Variants in NLGN1 observed in about 807,000 individuals in gnomAD.
NLGN1 encodes the protein neuroligin 1, also known as neuroligin-1.
NLGN1 carries 12 observed loss-of-function variants against 65.5 expected under a neutral mutation model. That is an observed-to-expected ratio of 0.18 (90% CI 0.12 to 0.30). The LOEUF (loss-of-function observed/expected upper bound fraction) is 0.30. Among genes scored for constraint, NLGN1 ranks in the 10% least tolerant of loss-of-function variants. The probability of loss-of-function intolerance (pLI) is 1.00; values close to 1 mark genes in which losing one functional copy is unlikely to be tolerated. For missense variants in NLGN1, 750 were observed against 1,007.1 expected, an observed-to-expected ratio of 0.74 and a Z score of 3.46; for synonymous variants, 350 against 359.5, an observed-to-expected ratio of 0.97 and a Z score of 0.30.
chr3:173,668,099 G>A (rs1577849789), intron 3 of NLGN1, among the ~76,000 whole-genome samples: 1 of 152,194 alleles, frequency 6.6e-6, no homozygotes, highest in African/African-American at 2.4e-5. Flanking sequence ...CTAGTAGGAA[G>A]AAACGGACCT....
intron 4 of NLGN1, among the ~76,000 whole-genome samples, chr3:173,881,419 CTTTTTTT>C (rs71162368): frequency 1.2e-5 from 1 of 80,542 alleles, no homozygotes; most frequent in Non-Finnish European, 2.2e-5. Context: ...TGCTCCACTC[CTTTTTTT>C]TTTTTTTTTT....
intron 4 of NLGN1, among the ~76,000 whole-genome samples, chr3:174,019,195 C>T (rs1012483082): frequency 1.3e-5 from 2 of 152,116 alleles, no homozygotes; most frequent in Non-Finnish European, 2.9e-5. Context: ...TATAGTATTG[C>T]TATGGTTTGA....
At chr3:174,079,296 A>G (rs1047596017) in intron 4 of NLGN1, among the ~76,000 whole-genome samples, 2 of 152,226 alleles carry the variant, frequency 1.3e-5, no homozygotes, top group African/African-American at 2.4e-5. Flanking sequence ...AAAGCTCAGC[A>G]TTACTGATCT....
chr3:173,752,984 T>A (rs962239082), intron 3 of NLGN1, among the ~76,000 whole-genome samples: 1 of 152,128 alleles, frequency 6.6e-6, no homozygotes, highest in African/African-American at 2.4e-5. Context: ...ACCCTTGACT[T>A]GTATATTAGA....
At chr3:174,227,148 C>T (rs879455184) in intron 4 of NLGN1, among the ~76,000 whole-genome samples, 1 of 152,064 alleles carries the variant, frequency 6.6e-6, no homozygotes, top group Non-Finnish European at 1.5e-5. Flanking sequence ...CTTAACCTGC[C>T]AGGTTCACAT....
At chr3:173,531,926 A>C (rs1736641634) in intron 2 of NLGN1, among the ~76,000 whole-genome samples, 1 of 152,042 alleles carries the variant, frequency 6.6e-6, no homozygotes, top group African/African-American at 2.4e-5. Flanking sequence ...TCTCTTATTA[A>C]GTTTCCCCGG....
intron 3 of NLGN1, among the ~76,000 whole-genome samples, chr3:173,609,526 A>G (rs1252083545): frequency 6.6e-6 from 1 of 151,942 alleles, no homozygotes; most frequent in Non-Finnish European, 1.5e-5. Context: ...TTTAATATGT[A>G]TAACAATGAC....
chr3:174,190,944 T>C (rs1284162292), intron 4 of NLGN1, among the ~76,000 whole-genome samples: 1 of 152,016 alleles, frequency 6.6e-6, no homozygotes, highest in Non-Finnish European at 1.5e-5. Context: ...GGGGCCGAGA[T>C]CTCTTATAGC....
At chr3:173,635,318 C>T (rs1577657620) in intron 3 of NLGN1, among the ~76,000 whole-genome samples, 1 of 152,004 alleles carries the variant, frequency 6.6e-6, no homozygotes, top group African/African-American at 2.4e-5. Context: ...GGAACAATAC[C>T]ACTCCTGCAA....
At chr3:174,104,482 A>C (rs1004099262) in intron 4 of NLGN1, among the ~76,000 whole-genome samples, 3 of 152,170 alleles carry the variant, frequency 2.0e-5, no homozygotes, top group Non-Finnish European at 2.9e-5. Flanking sequence ...GGATTCAAAG[A>C]CTGCCTTACT....
At chr3:173,722,551 C>CT (rs1204261103) in intron 3 of NLGN1, among the ~76,000 whole-genome samples, 4 of 151,798 alleles carry the variant, frequency 2.6e-5, no homozygotes, top group Non-Finnish European at 5.9e-5. Context: ...ACTTTTTTTT[C>CT]TTTATCTTCA....
intron 4 of NLGN1, among the ~76,000 whole-genome samples, chr3:174,100,697 CT>C (rs925316297): frequency 1.4e-4 from 21 of 148,858 alleles, no homozygotes; most frequent in East Asian, 9.8e-4. Context: ...AGGAAGTTTC[CT>C]TTTTTTTTTC....
chr3:173,540,079 C>T (rs373382130), intron 2 of NLGN1, among the ~76,000 whole-genome samples: 6 of 151,770 alleles, frequency 4.0e-5, no homozygotes, highest in Admixed American at 6.6e-5. Flanking sequence ...TCAGTTTCTA[C>T]GAAGGCCCAG....
chr3:174,020,386 T>G, intron 4 of NLGN1, among the ~76,000 whole-genome samples: 1 of 152,094 alleles, frequency 6.6e-6, no homozygotes, highest in African/African-American at 2.4e-5. Flanking sequence ...AAGTGACTGA[T>G]GGAAAATTTG....
At chr3:174,088,710 G>A (rs1743911729) in intron 4 of NLGN1, among the ~76,000 whole-genome samples, 1 of 151,116 alleles carries the variant, frequency 6.6e-6, no homozygotes, top group Non-Finnish European at 1.5e-5. Flanking sequence ...CCGAGATCGC[G>A]CCACTGCACT....
At chr3:173,521,169 T>TGCTGAATGCATG (rs1452001391) in intron 2 of NLGN1, among the ~76,000 whole-genome samples, 1 of 152,222 alleles carries the variant, frequency 6.6e-6, no homozygotes, top group African/African-American at 2.4e-5. Context: ...AATAACCTGC[T>TGCTGAATGCATG]GCTGAATGCA....
At chr3:173,466,283 A>G (rs1320760522) in intron 2 of NLGN1, among the ~76,000 whole-genome samples, 2 of 152,218 alleles carry the variant, frequency 1.3e-5, no homozygotes. Flanking sequence ...CCCTGGGCTA[A>G]TTAAGCACTA....
chr3:173,864,878 AT>A (rs1359731263), intron 4 of NLGN1, among the ~76,000 whole-genome samples: 8 of 152,204 alleles, frequency 5.3e-5, no homozygotes, highest in Admixed American at 1.3e-4. Context: ...GAGGAGAGAG[AT>A]GGAAAACCTA....
intron 4 of NLGN1, among the ~76,000 whole-genome samples, chr3:173,832,133 A>C (rs1722716476): frequency 6.6e-6 from 1 of 151,860 alleles, no homozygotes; most frequent in Non-Finnish European, 1.5e-5. Context: ...AATTAAAAAA[A>C]AAAAAAAAAC....
Sources: allele counts gnomAD v4.1 joint callset (sites outside exome capture counted in the v4.1 genomes callset), GRCh38; gene constraint gnomAD v4.1.1; transcripts MANE v1.5; gene names NCBI Gene and HGNC (gene_info 2026-07-23, HGNC 2026-07-21).